UBR2: variants seen among roughly 807,000 people sequenced by gnomAD.
The protein encoded by UBR2 is ubiquitin protein ligase E3 component n-recognin 2.
A neutral mutation model predicts 247.9 loss-of-function variants in UBR2; 92 were observed. The ratio of observed to expected loss-of-function variants is 0.37; its 90% CI spans 0.31 to 0.44. UBR2 has a LOEUF of 0.44. Ranked by LOEUF, UBR2 falls within the 20% of genes least tolerant of loss-of-function variation. UBR2 has a pLI of 1.00. For missense variants in UBR2, 1,613 were observed against 2,112.6 expected, an observed-to-expected ratio of 0.76 and a Z score of 4.64; for synonymous variants, 672 against 693.5, an observed-to-expected ratio of 0.97 and a Z score of 0.49.
At chr6:42,683,617 A>G (rs753501827) in intron 43 of UBR2, among the ~76,000 whole-genome samples, 32 of 152,338 alleles carry the variant, frequency 2.1e-4, no homozygotes, top group Middle Eastern at 3.4e-3. Flanking sequence ...AATTGTTACT[A>G]TACAAGTTGC....
chr6:42,592,123 CT>C, intron 2 of UBR2, 27 bp from the exon 3 acceptor site: 1 of 1,545,608 alleles, frequency 6.5e-7, no homozygotes, highest in Non-Finnish European at 8.9e-7. Flanking sequence ...TTTTCTGACA[CT>C]TTGATTTTTT....
chr6:42,679,643 TA>T, intron 41 of UBR2, 80 bp from the exon 42 acceptor site: 2 of 1,026,052 alleles, frequency 1.9e-6, no homozygotes, highest in Middle Eastern at 4.0e-4. Flanking sequence ...CCTTTTTTTT[TA>T]AACTCTGCTA....
Position 42,592,170 on chromosome 6 carries a change from A to G in UBR2, c.358A>G (p.Thr120Ala), listed in dbSNP as rs1171809193. ...TTACAGAGACTGTGCAGTTGATCCA[A>G]CTTGTGTTTTGTGCATGGAGTGCTT... ...YSCRDCAVDP[T>A]CVLCMECFLG... is the part of the protein sequence containing the mutation. Residue 120 changes from threonine to alanine, a missense_variant, in exon 3 of 47, where the codon ACT becomes GCT. Physicochemically the swap from Thr to Ala is moderately conservative, Grantham distance 58 (BLOSUM62 0). Coordinates refer to ENST00000372901, the MANE Select transcript of UBR2 (RefSeq NM_001363705.2). 6.2e-7 allele frequency: 1 copy of G among 1,602,716 alleles called. No homozygotes were observed. Among genetic ancestry groups the G allele is most frequent in the African/African-American group, 1.4e-5 (1 of 73,818 alleles).
chr6:42,583,115 GGC>G (rs1792015712), intron 2 of UBR2, among the ~76,000 whole-genome samples: 1 of 152,006 alleles, frequency 6.6e-6, no homozygotes, highest in African/African-American at 2.4e-5. Flanking sequence ...TTTCTATGGT[GGC>G]TTTTGATGAC....
intron 25 of UBR2, among the ~76,000 whole-genome samples, chr6:42,653,606 C>CTTTTTTTTTTTTTTTT (rs72460060): frequency 2.0e-5 from 1 of 50,582 alleles, no homozygotes; most frequent in African/African-American, 9.0e-5. Flanking sequence ...ATGCTAAGCC[C>CTTTTTTTTTTTTTTTT]TTTTTTTTTT....
chr6:42,666,076 C>T (rs897356861), intron 33 of UBR2, 91 bp from the exon 34 acceptor site: 46 of 1,113,614 alleles, frequency 4.1e-5, no homozygotes, highest in Non-Finnish European at 2.6e-5. Flanking sequence ...AATTTTTTTC[C>T]TTTTGTTTTT....
At chr6:42,686,860 C>T (rs1483308558) in intron 44 of UBR2, among the ~76,000 whole-genome samples, 2 of 149,066 alleles carry the variant, frequency 1.3e-5, no homozygotes, top group East Asian at 2.0e-4. Flanking sequence ...GGCAGCCGGT[C>T]GGAGACACTC....
intron 3 of UBR2, among the ~76,000 whole-genome samples, chr6:42,593,094 A>C (rs1043057286): frequency 6.6e-6 from 1 of 152,122 alleles, no homozygotes; most frequent in Admixed American, 6.5e-5. Context: ...GAATCACTTA[A>C]ACCTGGGAGG....
chr6:42,605,856 A>C lies in UBR2; in HGVS notation c.798A>C (p.Arg266=), dbSNP rs61732756. ...EAIGFATTVD[R]DGRRSVRYGD... ...TTGGTTTTGCAACTACAGTAGATCG[A>C]GATGTAAGTAATTTTACCATGTTGA... The change falls in exon 6 of 47, where the codon CGA becomes CGC. Residue 266 remains arginine (R), a synonymous_variant. Transcript: ENST00000372901. The C allele has an allele frequency of 6.2e-7, 1 of 1,601,552 alleles. No individual in the cohort carries two copies.
chr6:42,685,687 G>A (rs1799344821), intron 44 of UBR2, among the ~76,000 whole-genome samples: 1 of 151,724 alleles, frequency 6.6e-6, no homozygotes, highest in Non-Finnish European at 1.5e-5. Context: ...GGGATTACAG[G>A]CATGAGCCAC....
chr6:42,665,818 TCA>T (rs532738375), intron 33 of UBR2, among the ~76,000 whole-genome samples: 40 of 151,696 alleles, frequency 2.6e-4, no homozygotes, highest in African/African-American at 9.4e-4. Context: ...GTGGGCTAAC[TCA>T]CCTTACTGTT....
In UBR2 at chr6:42,658,732, T is replaced by C. The variant is rs774958445; in HGVS notation, c.3150T>C (p.Ser1050=). ...GAGAAAAGATCATGGCTCAGATGTC[T>C]GAAATGCAGCGGCATTTTATTGATG... The part of the protein sequence containing the change: ...LRREKIMAQM[S]EMQRHFIDEN... Residue 1050 remains serine (S), a synonymous_variant, in exon 29 of 47, where the codon TCT becomes TCC. Coordinates refer to ENST00000372901, the MANE Select transcript of UBR2 (RefSeq NM_001363705.2). 1.2e-6 allele frequency: 2 copies of C among 1,613,458 alleles called. No individual in the cohort carries two copies. Among genetic ancestry groups the C allele is most frequent in the Non-Finnish European group, 1.7e-6 (2 of 1,179,926 alleles).
Position 42,675,539 on chromosome 6 carries a change from A to AAG in UBR2, c.4252-514_4252-513dup, listed in dbSNP as rs528853308. Among the ~76,000 whole-genome samples the AAG allele has an allele frequency of 1.5e-3, 231 of 152,334 alleles. 2 individuals are homozygous for AAG. The highest frequency in any genetic ancestry group is 4.8e-3 in the African/African-American group (200 of 41,572). On this transcript the variant is annotated intron_variant, in intron 38 of 46. Coordinates refer to ENST00000372901, the MANE Select transcript of UBR2 (RefSeq NM_001363705.2). ...GATTAATGAAATCATAGTGCCCATC[A>AAG]AGAGTCCTGTAACTCAAGTCATTTC...
intron 42 of UBR2, among the ~76,000 whole-genome samples, chr6:42,681,158 G>A (rs1171614888): frequency 1.0e-3 from 130 of 128,632 alleles, no homozygotes; most frequent in African/African-American, 3.5e-3. Context: ...GCGAGACTCC[G>A]TCTCAAAAAA....
chr6:42,661,138 C>CA lies in UBR2; in HGVS notation c.3443-1037dup, dbSNP rs1016674548. On this transcript the variant is annotated intron_variant, in intron 30 of 46. Transcript: ENST00000372901. ...GAAACCCCATCTCTACTAAAAAATA[C>CA]AAAAAAAAATTAGCCAGGCGTGGTG... is the stretch of plus-strand genomic sequence containing the variant. 3.6e-3 allele frequency among the ~76,000 whole-genome samples: 534 copies of CA among 150,246 alleles called. 3 individuals carry two copies. The highest frequency in any genetic ancestry group is 0.012 in the African/African-American group (500 of 40,970).
rs138693681 is a variant in UBR2, at chr6:42,621,485, G to A, written c.1281+3978G>A. Among the ~76,000 whole-genome samples, 350 of 151,632 alleles carry A rather than the reference G, an allele frequency of 2.3e-3. 1 individual carries two copies. Among genetic ancestry groups the A allele is most frequent in the African/African-American group, 8.1e-3 (333 of 41,348 alleles). The stretch of plus-strand genomic sequence containing the variant: ...TTTTGTTTGTTTGTTTTTTTGAGAT[G>A]GAGTTTCATTGTTGTTGCCCAGGCT... On this transcript the variant is annotated intron_variant, in intron 11 of 46. Transcript: ENST00000372901.
At chr6:42,612,045 T>C (rs1794125395) in intron 7 of UBR2, 126 bp from the exon 8 acceptor site, 1 of 803,620 alleles carries the variant, frequency 1.2e-6, no homozygotes, top group Non-Finnish European at 1.7e-6. Context: ...GGTGTTTTTC[T>C]TACATCCATG....
At position 42,659,518 on chromosome 6, in the gene UBR2, T is replaced by TAC. The variant is rs1203458322; in HGVS notation, c.3243-137_3243-136insCA. 207 of 508,450 alleles carry TAC rather than the reference T, an allele frequency of 4.1e-4. No homozygotes were observed. The African/African-American group carries it at 7.4e-3, about 18-fold the overall frequency. The allele number at this position is 508,450 out of a possible 1,614,324, so 31.5% of individuals were successfully genotyped here. A position where few individuals can be genotyped will look rare whatever the true frequency, so the allele number is the denominator to read the frequency against. On this transcript the variant is annotated intron_variant, in intron 29 of 46. Transcript: ENST00000372901. This position sits in a 1 kb window ranked among gnomAD's most constrained non-coding sequence, Gnocchi z 4.3. Reference sequence around the variant, plus strand: ...CTGTCTCAAAAAATAAATAAATATATATACACACACACACACACACACACA... The same window carrying TAC: ...CTGTCTCAAAAAATAAATAAATATATACATACACACACACACACACACACACA...
At chr6:42,637,308 A>AT in intron 15 of UBR2, 114 bp downstream of exon 15, 1 of 1,162,268 alleles carries the variant, frequency 8.6e-7, no homozygotes, top group Non-Finnish European at 1.2e-6. Context: ...TTTCTACATC[A>AT]TTAACTTATC....
Sources: gnomAD v4.1 joint callset for allele counts (sites outside exome capture counted in the v4.1 genomes callset) on GRCh38, gnomAD v4.1.1 for gene constraint, Gnocchi (gnomAD v3.1) non-coding constraint, MANE v1.5 for transcripts, NCBI Gene and HGNC (gene_info 2026-07-23, HGNC 2026-07-21) for gene names.